DEPDC1B: variants seen among roughly 807,000 people sequenced by gnomAD.
DEPDC1B encodes the protein DEP domain containing 1B.
In DEPDC1B, 51 loss-of-function variants were observed where a neutral mutation model predicts 66.5. The ratio of observed to expected loss-of-function variants is 0.77; its 90% CI spans 0.61 to 0.97. DEPDC1B has a LOEUF of 0.97. DEPDC1B is among the 50% of genes least tolerant of loss of function. The pLI is 0.00. For synonymous variants in DEPDC1B, 226 were observed against 223.6 expected, an observed-to-expected ratio of 1.01 and a Z score of -0.10; for missense variants, 552 against 637.1, an observed-to-expected ratio of 0.87 and a Z score of 1.44.
chr5:60,613,788 TTGTG>T lies in DEPDC1B; in HGVS notation c.899-7936_899-7933del, dbSNP rs36109910. Among the ~76,000 whole-genome samples the T allele has an allele frequency of 5.7e-3, 591 of 103,338 alleles. 7 individuals carry two copies. Among genetic ancestry groups the T allele is most frequent in the East Asian group, 0.04 (148 of 3,716 alleles). The allele number at this position is 103,338 out of a possible 152,430, so 67.8% of individuals were successfully genotyped here. A position where few individuals can be genotyped will look rare whatever the true frequency, so the allele number is the denominator to read the frequency against. The stretch of plus-strand genomic sequence containing the variant: ...TGAAAAAAGGTTGTTACATATGTAT[TTGTG>T]TGTGTGTGTGTGTGTGTGTGTGTGT... On this transcript the variant is annotated intron_variant, in intron 7 of 10. Transcript: ENST00000265036.
chr5:60,620,406 T>A (rs1382723446), intron 7 of DEPDC1B, among the ~76,000 whole-genome samples: 2 of 152,154 alleles, frequency 1.3e-5, no homozygotes, highest in Non-Finnish European at 2.9e-5. Context: ...AAAGGGCTAA[T>A]ATCCAGAATC....
At chr5:60,683,431 CAAAA>C (rs1366211734) in intron 2 of DEPDC1B, among the ~76,000 whole-genome samples, 2 of 151,592 alleles carry the variant, frequency 1.3e-5, no homozygotes, top group African/African-American at 4.9e-5. Context: ...GACCCTGTCT[CAAAA>C]AGAAAGAGAG....
chr5:60,679,749 A>G (rs1380666413), intron 2 of DEPDC1B, among the ~76,000 whole-genome samples: 1 of 152,230 alleles, frequency 6.6e-6, no homozygotes, highest in Non-Finnish European at 1.5e-5. Flanking sequence ...GCTCCATGCC[A>G]GAGAAACCTT....
intron 2 of DEPDC1B, among the ~76,000 whole-genome samples, chr5:60,673,366 T>C (rs1430134775): frequency 6.6e-6 from 1 of 152,174 alleles, no homozygotes; most frequent in East Asian, 1.9e-4. Context: ...ATGCCTGGCA[T>C]ACAACAGGAA....
intron 2 of DEPDC1B, among the ~76,000 whole-genome samples, chr5:60,663,130 T>G (rs1215716752): frequency 6.6e-6 from 1 of 152,078 alleles, no homozygotes; most frequent in African/African-American, 2.4e-5. Flanking sequence ...AAGAAACACG[T>G]TTTTTTGTCC....
chr5:60,616,904 A>T (rs1263967620), intron 7 of DEPDC1B, among the ~76,000 whole-genome samples: 2 of 152,248 alleles, frequency 1.3e-5, no homozygotes, highest in Non-Finnish European at 2.9e-5. Flanking sequence ...CAGGTTACCC[A>T]CAAAGGGAAG....
intron 1 of DEPDC1B, among the ~76,000 whole-genome samples, chr5:60,688,100 T>G (rs1336205224): frequency 1.3e-5 from 2 of 151,968 alleles, no homozygotes; most frequent in East Asian, 3.9e-4. Flanking sequence ...TGAAAGGCAT[T>G]GTAGGAGGAG....
At chr5:60,633,876 T>C (rs116590920) in intron 7 of DEPDC1B, among the ~76,000 whole-genome samples, 3 of 152,208 alleles carry the variant, frequency 2.0e-5, no homozygotes, top group Non-Finnish European at 4.4e-5. Flanking sequence ...TACCATTTTA[T>C]TTGAAACTAT....
At chr5:60,671,280 T>G (rs1754028757) in intron 2 of DEPDC1B, among the ~76,000 whole-genome samples, 1 of 152,160 alleles carries the variant, frequency 6.6e-6, no homozygotes, top group South Asian at 2.1e-4. Context: ...CTTCTAGGTT[T>G]CCACTCAAGA....
intron 2 of DEPDC1B, 158 bp from the exon 3 acceptor site, chr5:60,647,691 A>G (rs1286120935): frequency 3.3e-6 from 2 of 600,654 alleles, no homozygotes; most frequent in South Asian, 3.7e-5. Context: ...ACTGCTCTAT[A>G]CCATACCTGA....
chr5:60,657,630 C>T (rs559360935), intron 2 of DEPDC1B, among the ~76,000 whole-genome samples: 25 of 152,332 alleles, frequency 1.6e-4, no homozygotes, highest in Middle Eastern at 3.4e-3. Flanking sequence ...CCAATCCCTT[C>T]TAGCTTGCAG....
intron 1 of DEPDC1B, among the ~76,000 whole-genome samples, chr5:60,692,314 G>C (rs769086018): frequency 6.6e-6 from 1 of 152,134 alleles, no homozygotes; most frequent in African/African-American, 2.4e-5. Flanking sequence ...AAATCTGAGA[G>C]TAAATTGCAA....
At chr5:60,698,886 G>A (rs932703722) in intron 1 of DEPDC1B, among the ~76,000 whole-genome samples, 1 of 151,992 alleles carries the variant, frequency 6.6e-6, no homozygotes, top group Admixed American at 6.6e-5. Flanking sequence ...GGCTGGTCTC[G>A]AACTCCTGAC....
At chr5:60,695,809 T>A (rs1754640321) in intron 1 of DEPDC1B, among the ~76,000 whole-genome samples, 1 of 152,122 alleles carries the variant, frequency 6.6e-6, no homozygotes, top group East Asian at 1.9e-4. Flanking sequence ...TCTTTTTTTA[T>A]TTTTTTTGAG....
intron 3 of DEPDC1B, 29 bp from the exon 4 acceptor site, chr5:60,645,648 G>A: frequency 4.4e-6 from 7 of 1,581,446 alleles, no homozygotes; most frequent in Admixed American, 3.7e-5. Flanking sequence ...AAGAAGGGAG[G>A]GAAGGAGAAA....
At chr5:60,660,016 C>T (rs1297091056) in intron 2 of DEPDC1B, among the ~76,000 whole-genome samples, 1 of 152,098 alleles carries the variant, frequency 6.6e-6, no homozygotes, top group African/African-American at 2.4e-5. Flanking sequence ...GGATCTACAA[C>T]AACATAATAG....
At chr5:60,700,010 C>A (rs1754749850) in intron 1 of DEPDC1B, 36 bp downstream of exon 1, 1 of 1,547,214 alleles carries the variant, frequency 6.5e-7, no homozygotes, top group Non-Finnish European at 8.7e-7. Flanking sequence ...CTCGCGGCAC[C>A]GGGTGCTCCG....
At chr5:60,656,295 A>G (rs543880804) in intron 2 of DEPDC1B, among the ~76,000 whole-genome samples, 138 of 151,568 alleles carry the variant, frequency 9.1e-4, no homozygotes, top group African/African-American at 3.2e-3. Flanking sequence ...CGAGTAGCTG[A>G]GACTACAGGC....
At chr5:60,676,144 A>T (rs959610842) in intron 2 of DEPDC1B, among the ~76,000 whole-genome samples, 13 of 151,568 alleles carry the variant, frequency 8.6e-5, no homozygotes, top group Non-Finnish European at 1.8e-4. Flanking sequence ...GTTAGCCAGG[A>T]TGGTCTCGAT....
Sources: gnomAD v4.1 joint callset for allele counts (sites outside exome capture counted in the v4.1 genomes callset) on GRCh38, gnomAD v4.1.1 for gene constraint, MANE v1.5 for transcripts, NCBI Gene and HGNC (gene_info 2026-07-23, HGNC 2026-07-21) for gene names.